The following ADA variants were observed in gnomAD, a reference collection of about 807,000 sequenced individuals.
ADA encodes the protein adenosine aminohydrolase.
A neutral mutation model predicts 49.0 loss-of-function variants in ADA; 45 were observed. The observed-to-expected ratio is 0.92, with a 90% CI of 0.72 to 1.18. The LOEUF is 1.18. Ranked by LOEUF, ADA falls within the 50% of genes most tolerant of loss-of-function variation. The probability of loss-of-function intolerance (pLI) is 0.00; values close to 1 mark genes in which losing one functional copy is unlikely to be tolerated. For synonymous variants in ADA, 173 were observed against 184.2 expected (o/e 0.94, Z 0.49); for missense variants, 445 against 472.5 (o/e 0.94, Z 0.54).
rs1251390447 is a variant in ADA, at chr20:44,621,081, C to G, written c.912G>C (p.Leu304=). 6.2e-7 allele frequency: 1 copy of G among 1,614,022 alleles called. No individual in the cohort carries two copies. The highest frequency in any genetic ancestry group is 8.5e-7 in the Non-Finnish European group (1 of 1,180,036). ...GTTTGGTCATCTGGTAATCAGTGTC[C>G]AGGGTGGACTTGAAGATGAGCGGGT... The part of the protein sequence containing the change: ...TDDPLIFKST[L]DTDYQMTKRD... The change falls in exon 10 of 12, where the codon CTG becomes CTC. Residue 304 remains leucine, a synonymous_variant. Coordinates refer to ENST00000372874, the MANE Select transcript of ADA (RefSeq NM_000022.4).
At chr20:44,644,257 C>T (rs2065567199) in intron 1 of ADA, among the ~76,000 whole-genome samples, 1 of 152,078 alleles carries the variant, frequency 6.6e-6, no homozygotes, top group South Asian at 2.1e-4. Flanking sequence ...ATGTATGTAA[C>T]ATGTCTGTCT....
intron 2 of ADA, among the ~76,000 whole-genome samples, chr20:44,634,134 C>T (rs1433479094): frequency 4.6e-5 from 7 of 152,218 alleles, no homozygotes; most frequent in Non-Finnish European, 1.5e-5. Context: ...GCTCCCAGCC[C>T]CTGGCTGCAG....
intron 1 of ADA, among the ~76,000 whole-genome samples, chr20:44,641,172 C>G (rs983157023): frequency 3.3e-5 from 5 of 152,172 alleles, no homozygotes; most frequent in African/African-American, 9.7e-5. Context: ...TTCTTAACCC[C>G]GGCTGCAAGT....
At chr20:44,624,641 C>CT (rs1317349834) in intron 5 of ADA, among the ~76,000 whole-genome samples, 1 of 152,254 alleles carries the variant, frequency 6.6e-6, no homozygotes, top group Non-Finnish European at 1.5e-5. Flanking sequence ...ACGGACCCTT[C>CT]TCTCACCTGG....
rs995455980 is a variant in ADA, at chr20:44,651,455, C to T, written c.33+120G>A. 6 of 1,020,346 alleles carry T rather than the reference C, an allele frequency of 5.9e-6. No homozygotes were observed. In the Admixed American group the frequency reaches 1.4e-4, roughly 24 times the overall value. 63.2% of individuals were successfully genotyped at this position (1,020,346 alleles called of 1,614,324 possible). On this transcript the variant is annotated intron_variant, in intron 1 of 11. Transcript: ENST00000372874. ...GCCACGGCCTAAGCCGAAGGAAGAA[C>T]TCGCCTGCAGGAGCCCCCGTTCGTT...
Position 44,629,333 on chromosome 20 carries a change from C to T in ADA, c.96-164G>A, listed in dbSNP as rs78673534. The stretch of plus-strand genomic sequence containing the variant: ...TGCTCCCACTGGACAGATGGGGAAA[C>T]TGAGAACCAGGACCGGAATTTTTCC... On this transcript the variant is annotated intron_variant, in intron 2 of 11. Coordinates refer to ENST00000372874, the MANE Select transcript of ADA (RefSeq NM_000022.4). Among the ~76,000 whole-genome samples, 3,690 of 152,302 alleles carry T rather than the reference C, an allele frequency of 0.024. 142 individuals carry two copies. The highest frequency in any genetic ancestry group is 0.084 in the African/African-American group (3,508 of 41,556).
intron 1 of ADA, among the ~76,000 whole-genome samples, chr20:44,640,242 C>T (rs2065519198): frequency 6.6e-6 from 1 of 151,810 alleles, no homozygotes; most frequent in Non-Finnish European, 1.5e-5. Context: ...GGTGAAATCC[C>T]CTCTCTATTA....
Position 44,651,689 on chromosome 20 carries a change from C to T in ADA, c.-82G>A. ...CGGCTCGGTGGCCGCTCGGCTTTCC[C>T]TGGGGCCAGCGGTGGCCGCGGCCGG... is the stretch of plus-strand genomic sequence containing the variant. On this transcript the variant is annotated 5_prime_UTR_variant, in exon 1 of 12. Transcript: ENST00000372874. 7.0e-7 allele frequency: 1 copy of T among 1,419,820 alleles called. No homozygotes were observed. The highest frequency in any genetic ancestry group is 3.1e-5 in the East Asian group (1 of 31,898). The allele number at this position is 1,419,820 out of a possible 1,614,324, so 88.0% of individuals were successfully genotyped here. A position where few individuals can be genotyped will look rare whatever the true frequency, so the allele number is the denominator to read the frequency against.
intron 1 of ADA, among the ~76,000 whole-genome samples, chr20:44,637,150 A>G (rs566824677): frequency 1.5e-4 from 23 of 152,314 alleles, no homozygotes; most frequent in African/African-American, 4.8e-4. Flanking sequence ...ATAGCCTATC[A>G]GGAATCAATA....
At chr20:44,636,040 C>G (rs1258042795) in intron 2 of ADA, 187 bp downstream of exon 2, 4 of 629,772 alleles carry the variant, frequency 6.4e-6, no homozygotes, top group Non-Finnish European at 1.1e-5. Flanking sequence ...AGGAGTTGGT[C>G]TGCGGGTCTC....
At chr20:44,643,314 A>C (rs570853908) in intron 1 of ADA, among the ~76,000 whole-genome samples, 8 of 152,302 alleles carry the variant, frequency 5.3e-5, no homozygotes, top group African/African-American at 1.7e-4. Flanking sequence ...AAGTACCCCA[A>C]AACAGTCAGT....
intron 8 of ADA, 51 bp from the exon 9 acceptor site, chr20:44,622,703 T>G: frequency 6.2e-7 from 1 of 1,613,240 alleles, no homozygotes; most frequent in Non-Finnish European, 8.5e-7. Flanking sequence ...CCATGCTGAT[T>G]CCTCCCCCCA....
At chr20:44,620,994 C>A (rs2065325430) in intron 10 of ADA, 24 bp downstream of exon 10, 13 of 1,613,468 alleles carry the variant, frequency 8.1e-6, no homozygotes, top group Non-Finnish European at 1.1e-5. Flanking sequence ...CGAGTCAAGG[C>A]CAGTATGGCT....
In ADA at chr20:44,623,030, C is replaced by G; in HGVS notation, c.655G>C (p.Gly219Arg). The G allele has an allele frequency of 6.2e-7, 1 of 1,614,202 alleles. No individual in the cohort carries two copies. The highest frequency in any genetic ancestry group is 8.5e-7 in the Non-Finnish European group (1 of 1,180,048). Residue 219 changes from glycine (G) to arginine (R), a missense_variant, in exon 7 of 12, where the codon GGC becomes CGC. Transcript: ENST00000372874. Reference sequence around the variant, plus strand: ...ACCTCTTTTACTACTTCGGCCGAGCCCACCTCCCCGGCGTGGACAGTACGG... The same window carrying G: ...ACCTCTTTTACTACTTCGGCCGAGCGCACCTCCCCGGCGTGGACAGTACGG... ...IHRTVHAGEV[G>R]SAEVVKEAVD...
intron 4 of ADA, among the ~76,000 whole-genome samples, chr20:44,625,932 C>T (rs2065378669): frequency 6.6e-6 from 1 of 152,188 alleles, no homozygotes. Context: ...CCTCCCCACC[C>T]CCAGATGGAC....
In ADA at chr20:44,651,657, T is replaced by C. The variant is rs954650750; in HGVS notation, c.-50A>G. On this transcript the variant is annotated 5_prime_UTR_variant, in exon 1 of 12. Transcript: ENST00000372874. ...GCTCCCTCCGCCGCCGCTCGGTGGGTCTCTGCCGGCTCGGTGGCCGCTCGG... is the reference window on the plus strand; with the variant it reads ...GCTCCCTCCGCCGCCGCTCGGTGGGCCTCTGCCGGCTCGGTGGCCGCTCGG... 7.2e-5 allele frequency: 106 copies of C among 1,480,120 alleles called. 1 individual carries two copies. Among genetic ancestry groups the C allele is most frequent in the Non-Finnish European group, 9.4e-5 (105 of 1,121,806 alleles). The allele number at this position is 1,480,120 out of a possible 1,614,324, so 91.7% of individuals were successfully genotyped here. A position where few individuals can be genotyped will look rare whatever the true frequency, so the allele number is the denominator to read the frequency against.
intron 10 of ADA, chr20:44,620,759 C>G (rs1232654534): frequency 1.7e-5 from 10 of 576,420 alleles, no homozygotes; most frequent in Non-Finnish European, 2.8e-5. Context: ...GCTGCACACA[C>G]CTTTCTGGGG....
rs45567037 is a variant in ADA at position 44,620,212 on chromosome 20, T to C, written c.1078+87A>G. Reference sequence around the variant, plus strand: ...ACACATTCATGGCGCTGCCCAAGAATGGAAGGGCATCTTGCTAGAAGTCCC... The same window carrying C: ...ACACATTCATGGCGCTGCCCAAGAACGGAAGGGCATCTTGCTAGAAGTCCC... On this transcript the variant is annotated intron_variant, in intron 11 of 11. Transcript: ENST00000372874. The C allele has an allele frequency of 0.056, 66,224 of 1,187,104 alleles. 2,381 individuals carry two copies. The highest frequency in any genetic ancestry group is 0.14 in the African/African-American group (9,191 of 66,682). 73.5% of individuals were successfully genotyped at this position (1,187,104 alleles called of 1,614,324 possible).
chr20:44,622,895 G>A lies in ADA; in HGVS notation c.714C>T (p.His238=), dbSNP rs577317154. ...CCTGGTCTTCCAGGGTGTGGTAGCCGTGTCCCAGCCGCTCTGTCTTGAGTA... is the reference window on the plus strand; with the variant it reads ...CCTGGTCTTCCAGGGTGTGGTAGCCATGTCCCAGCCGCTCTGTCTTGAGTA... The part of the protein sequence containing the change: ...VDILKTERLG[H]GYHTLEDQAL... Residue 238 remains histidine (H), a synonymous_variant, in exon 8 of 12, where the codon CAC becomes CAT. Transcript: ENST00000372874. 2.9e-5 allele frequency: 47 copies of A among 1,614,260 alleles called. No individual in the cohort carries two copies. Among genetic ancestry groups the A allele is most frequent in the African/African-American group, 2.0e-4 (15 of 75,060 alleles).
Sources: gnomAD v4.1 joint callset for allele counts (sites outside exome capture counted in the v4.1 genomes callset) on GRCh38, gnomAD v4.1.1 for gene constraint, MANE v1.5 for transcripts, NCBI Gene and HGNC (gene_info 2026-07-23, HGNC 2026-07-21) for gene names.